The following FAM228B variants were observed in gnomAD, a reference collection of about 807,000 sequenced individuals.
FAM228B encodes protein FAM228B.
A neutral mutation model predicts 42.6 loss-of-function variants in FAM228B; 38 were observed. That is an observed-to-expected ratio of 0.89 (90% CI 0.69 to 1.17). The LOEUF (loss-of-function observed/expected upper bound fraction) is 1.17. FAM228B is among the 50% of genes most tolerant of loss of function. The probability of loss-of-function intolerance (pLI) is 0.00; values close to 1 mark genes in which losing one functional copy is unlikely to be tolerated. For synonymous variants in FAM228B, 109 were observed against 122.3 expected (o/e 0.89, Z 0.72); for missense variants, 344 against 367.3 (o/e 0.94, Z 0.52).
At chr2:24,122,422 G>A (rs142319508), upstream of FAM228B, 10 of 1,606,358 alleles carry the variant, frequency 6.2e-6, no homozygotes, top group Non-Finnish European at 8.5e-6. Flanking sequence ...TTCTTACATT[G>A]AAACCTGGTG....
chr2:24,139,955 C>T (rs1036436754), intron 5 of FAM228B, among the ~76,000 whole-genome samples: 1 of 152,100 alleles, frequency 6.6e-6, no homozygotes, highest in African/African-American at 2.4e-5. Flanking sequence ...GCTTCTTTCT[C>T]AAAATATAAG....
chr2:24,135,981 T>G (rs1409172456), intron 3 of FAM228B, among the ~76,000 whole-genome samples: 12 of 151,382 alleles, frequency 7.9e-5, no homozygotes, highest in Non-Finnish European at 1.0e-4. Context: ...GAAGGGTTTT[T>G]TTTTTTTTTT....
At position 24,080,778 on chromosome 2, in the gene FAM228B, A is replaced by T; in HGVS notation, c.-289-98A>T. 1 of 1,608,194 alleles carries T rather than the reference A, an allele frequency of 6.2e-7. No individual in the cohort carries two copies. The highest frequency in any genetic ancestry group is 8.5e-7 in the Non-Finnish European group (1 of 1,175,226). ...AGACTGGTGGGGCTTTTATTTAATC[A>T]TCTCTTAAATTCCTGCTGAACTGTA... On this transcript the variant is annotated intron_variant, in intron 1 of 10. Coordinates refer to the FAM228B transcript ENST00000613899. The surrounding 1 kb of genome is among the most constrained non-coding windows in gnomAD (Gnocchi z 4.7).
intron 7 of FAM228B, among the ~76,000 whole-genome samples, chr2:24,148,510 T>C (rs1666947467): frequency 6.6e-6 from 1 of 152,206 alleles, no homozygotes; most frequent in Admixed American, 6.5e-5. Context: ...GTCCTGTCTG[T>C]CTTCCAACGA....
At chr2:24,161,720 C>A (rs1278452766) in intron 8 of FAM228B, 107 bp downstream of exon 8, 1 of 721,132 alleles carries the variant, frequency 1.4e-6, no homozygotes, top group Non-Finnish European at 2.4e-6. Flanking sequence ...GAGGCACACA[C>A]AAAGCTCCAT....
chr2:24,164,200 A>G lies in FAM228B; in HGVS notation c.797A>G (p.Asn266Ser). 1.9e-6 allele frequency: 3 copies of G among 1,549,272 alleles called. No homozygotes were observed. Among genetic ancestry groups the G allele is most frequent in the Non-Finnish European group, 1.7e-6 (2 of 1,145,550 alleles). ...TCCTTTCTGGTTCCTTCCTGCAGAAACAAAGGGTCATCCTTTCTAGAAAGA... is the reference window on the plus strand; with the variant it reads ...TCCTTTCTGGTTCCTTCCTGCAGAAGCAAAGGGTCATCCTTTCTAGAAAGA... Reference protein sequence around the residue: ...QEEEKTVIYKNKGSSFLEREP... With the variant: ...QEEEKTVIYKSKGSSFLEREP... Residue 266 changes from asparagine to serine, a missense_variant and splice_region_variant, in exon 9 of 11, where the codon AAC becomes AGC. Physicochemically the swap from Asn to Ser is conservative, Grantham distance 46. Coordinates refer to ENST00000615575, the MANE Select transcript of FAM228B (RefSeq NM_001145710.2).
rs188984819 is a variant in FAM228B at position 24,150,367 on chromosome 2, T to A, written c.686+3281T>A. ...CATGCTTGAAGGATATTTTTTTTTCTGGATAATACTATTCTAGGGTAAAAG... is the reference window on the plus strand; with the variant it reads ...CATGCTTGAAGGATATTTTTTTTTCAGGATAATACTATTCTAGGGTAAAAG... On this transcript the variant is annotated intron_variant, in intron 7 of 10. Coordinates refer to ENST00000615575, the MANE Select transcript of FAM228B (RefSeq NM_001145710.2). 3.7e-4 allele frequency among the ~76,000 whole-genome samples: 57 copies of A among 152,198 alleles called. 1 individual carries two copies. The highest frequency in any genetic ancestry group is 3.5e-3 in the Admixed American group (53 of 15,300).
intron 5 of FAM228B, among the ~76,000 whole-genome samples, chr2:24,140,166 A>T (rs1666709802): frequency 6.6e-6 from 1 of 152,066 alleles, no homozygotes; most frequent in Admixed American, 6.6e-5. Flanking sequence ...CAGAGCACAG[A>T]TGTGGTGTTT....
chr2:24,142,483 A>G (rs952584931), intron 5 of FAM228B: 1 of 152,264 alleles, frequency 6.6e-6, no homozygotes, highest in African/African-American at 2.4e-5. Context: ...TTCAATACAC[A>G]TCTTTTAGAT....
chr2:24,144,481 A>G (rs1666846591), intron 5 of FAM228B, among the ~76,000 whole-genome samples: 1 of 152,204 alleles, frequency 6.6e-6, no homozygotes, highest in South Asian at 2.1e-4. Flanking sequence ...CCACAGAAGA[A>G]CCAAAATAGC....
At chr2:24,114,515 A>G (rs1211611602) in intron 3 of FAM228B, among the ~76,000 whole-genome samples, 2 of 151,990 alleles carry the variant, frequency 1.3e-5, no homozygotes, top group Admixed American at 6.5e-5. Flanking sequence ...AACCCTGTAG[A>G]GGGATCTAGA....
chr2:24,139,024 A>G (rs1181117774), intron 4 of FAM228B, among the ~76,000 whole-genome samples: 1 of 152,098 alleles, frequency 6.6e-6, no homozygotes, highest in Non-Finnish European at 1.5e-5. Context: ...TTGTTCTGGA[A>G]CTTGATTATT....
At chr2:24,167,725 T>TA in intron 10 of FAM228B, 42 bp downstream of exon 10, 2 of 1,548,066 alleles carry the variant, frequency 1.3e-6, no homozygotes, top group South Asian at 2.4e-5. Flanking sequence ...TCCTATTCCT[T>TA]ACCCCTGTTT....
At chr2:24,106,915 T>C (rs1665710555) in intron 3 of FAM228B, among the ~76,000 whole-genome samples, 1 of 151,924 alleles carries the variant, frequency 6.6e-6, no homozygotes, top group Non-Finnish European at 1.5e-5. Context: ...CAGGATCAAA[T>C]CTGCACATAT....
intron 2 of FAM228B, among the ~76,000 whole-genome samples, chr2:24,090,773 G>C (rs1558367013): frequency 6.6e-6 from 1 of 151,984 alleles, no homozygotes; most frequent in African/African-American, 2.4e-5. Flanking sequence ...GCAAAATAAG[G>C]ATAAAAGGAA....
At chr2:24,120,277 A>AC (rs112720334), upstream of FAM228B, among the ~76,000 whole-genome samples, 17,877 of 151,470 alleles carry the variant, frequency 0.12, 1,256 homozygotes, top group South Asian at 0.18. Flanking sequence ...TCAAAAAAAA[A>AC]AACAACAACA....
chr2:24,158,214 C>CTTTTTTTTTTTTTTTTTT (rs1206913020), intron 7 of FAM228B, among the ~76,000 whole-genome samples: 2 of 95,704 alleles, frequency 2.1e-5, no homozygotes, highest in African/African-American at 4.6e-5. Context: ...TTTTTTTTTT[C>CTTTTTTTTTTTTTTTTTT]CAAAACATTG....
At chr2:24,114,005 T>C (rs1235997995) in intron 3 of FAM228B, among the ~76,000 whole-genome samples, 1 of 152,162 alleles carries the variant, frequency 6.6e-6, no homozygotes, top group Admixed American at 6.6e-5. Context: ...CTGTGGTACT[T>C]GGCCATCCAA....
chr2:24,147,167 A>T, intron 7 of FAM228B, 81 bp downstream of exon 7: 4 of 981,664 alleles, frequency 4.1e-6, no homozygotes, highest in Non-Finnish European at 5.7e-6. Context: ...TTTCATAGTT[A>T]TGATTTTTTA....
Sources: gnomAD v4.1 joint callset for allele counts (sites outside exome capture counted in the v4.1 genomes callset) on GRCh38, gnomAD v4.1.1 for gene constraint, Gnocchi (gnomAD v3.1) non-coding constraint, MANE v1.5 for transcripts, NCBI Gene and HGNC (gene_info 2026-07-23, HGNC 2026-07-21) for gene names.